Variants in POC1B observed in about 807,000 individuals in gnomAD.
POC1B encodes POC1 centriolar protein B.
In POC1B, 44 loss-of-function variants were observed where a neutral mutation model predicts 60.6. The ratio of observed to expected loss-of-function variants is 0.73; its 90% confidence interval spans 0.57 to 0.93. The LOEUF (loss-of-function observed/expected upper bound fraction) is 0.93. POC1B is among the 40% of genes least tolerant of loss of function. The pLI, the probability that POC1B is intolerant of heterozygous loss-of-function variation, is 0.00. For missense variants in POC1B, 555 were observed against 572.3 expected, an observed-to-expected ratio of 0.97 and a Z score of 0.31; for synonymous variants, 180 against 198.9, an observed-to-expected ratio of 0.90 and a Z score of 0.80.
At chr12:89,524,461 G>A (rs1327929103) in intron 2 of POC1B, 2 of 1,613,634 alleles carry the variant, frequency 1.2e-6, no homozygotes, top group Non-Finnish European at 1.7e-6. Flanking sequence ...ATGAAAAGTA[G>A]AGACCAAGAG....
intron 9 of POC1B, among the ~76,000 whole-genome samples, chr12:89,464,317 G>A (rs1882591562): frequency 6.6e-6 from 1 of 152,024 alleles, no homozygotes; most frequent in Non-Finnish European, 1.5e-5. Context: ...ATTCCATTCT[G>A]TGTGAAAGTT....
At chr12:89,450,234 G>T (rs1881985190) in intron 10 of POC1B, among the ~76,000 whole-genome samples, 2 of 151,386 alleles carry the variant, frequency 1.3e-5, no homozygotes, top group Non-Finnish European at 2.9e-5. Context: ...TTGAGATGGA[G>T]TCTTGCACTG....
intron 10 of POC1B, among the ~76,000 whole-genome samples, chr12:89,445,922 C>T (rs188271442): frequency 8.8e-4 from 134 of 151,696 alleles, no homozygotes; most frequent in African/African-American, 3.2e-3. Context: ...AAAAAAACAA[C>T]CCAATCAAAA....
In POC1B at chr12:89,421,242, C is replaced by T; in HGVS notation, c.1348G>A (p.Glu450Lys). The change falls in exon 12 of 12, where the codon GAG becomes AAG. Residue 450 changes from glutamate to lysine, a missense_variant. Coordinates refer to ENST00000313546, the MANE Select transcript of POC1B (RefSeq NM_172240.3). ...NVLTQTVSIL[E>K]QRLTLTEDKL... is the part of the protein sequence containing the mutation. Reference sequence around the variant, plus strand: ...TCCTCTGTCAAAGTCAGTCGCTGCTCCAAGATTGAAACAGTCTGCAAAAAG... The same window carrying T: ...TCCTCTGTCAAAGTCAGTCGCTGCTTCAAGATTGAAACAGTCTGCAAAAAG... 1 of 1,595,518 alleles carries T rather than the reference C, an allele frequency of 6.3e-7. No homozygotes were observed. The highest frequency in any genetic ancestry group is 8.6e-7 in the Non-Finnish European group (1 of 1,166,292).
At chr12:89,508,300 T>G (rs1208182965) in intron 2 of POC1B, among the ~76,000 whole-genome samples, 1 of 152,218 alleles carries the variant, frequency 6.6e-6, no homozygotes, top group Non-Finnish European at 1.5e-5. Flanking sequence ...TTTGGTAAAT[T>G]TTTATTTTGA....
chr12:89,455,678 T>C (rs1015082732), intron 10 of POC1B, among the ~76,000 whole-genome samples: 6 of 152,202 alleles, frequency 3.9e-5, no homozygotes, highest in African/African-American at 7.2e-5. Flanking sequence ...TTCTATAACA[T>C]AACTGCATGT....
chr12:89,441,822 T>C (rs1419263081), intron 10 of POC1B, among the ~76,000 whole-genome samples: 1 of 152,176 alleles, frequency 6.6e-6, no homozygotes, highest in East Asian at 1.9e-4. Flanking sequence ...AACAAACTTC[T>C]CTGAGCTAAA....
At chr12:89,404,089 G>A in the POC1B span, among the ~76,000 whole-genome samples, 62 of 151,196 alleles carry the variant, frequency 4.1e-4, no homozygotes, top group Non-Finnish European at 6.0e-4. Flanking sequence ...CTGAGATCGC[G>A]CCATTGTATT....
intron 10 of POC1B, among the ~76,000 whole-genome samples, chr12:89,456,799 T>A (rs1882279740): frequency 6.6e-6 from 1 of 152,172 alleles, no homozygotes; most frequent in Admixed American, 6.5e-5. Flanking sequence ...CAATTTCTTC[T>A]CTGTAGTGAG....
chr12:89,425,526 T>C, intron 10 of POC1B, 147 bp from the exon 11 acceptor site: 1 of 542,582 alleles, frequency 1.8e-6, no homozygotes, highest in Non-Finnish European at 3.1e-6. Context: ...GAAATTACTA[T>C]AATTAAATAA....
At chr12:89,497,872 G>A (rs1869335710) in intron 2 of POC1B, among the ~76,000 whole-genome samples, 1 of 152,102 alleles carries the variant, frequency 6.6e-6, no homozygotes, top group Non-Finnish European at 1.5e-5. Context: ...TGCTTCATTT[G>A]GTTTGTAATT....
intron 10 of POC1B, among the ~76,000 whole-genome samples, chr12:89,456,147 A>G (rs1210399117): frequency 6.6e-6 from 1 of 151,914 alleles, no homozygotes; most frequent in Non-Finnish European, 1.5e-5. Context: ...CAGCCTCCCA[A>G]GTAGCTGGAA....
the POC1B span, among the ~76,000 whole-genome samples, chr12:89,407,697 G>T: frequency 2.6e-5 from 4 of 152,158 alleles, no homozygotes; most frequent in African/African-American, 9.7e-5. Context: ...GCATATAAAG[G>T]GGTTAAGAAG....
intron 5 of POC1B, 39 bp from the exon 6 acceptor site, chr12:89,471,768 C>CATT: frequency 1.2e-6 from 1 of 819,866 alleles, no homozygotes; most frequent in Non-Finnish European, 1.8e-6. Flanking sequence ...ATTTCAATTT[C>CATT]TTTTTTTTTT....
intron 4 of POC1B, among the ~76,000 whole-genome samples, chr12:89,474,030 C>T (rs907657296): frequency 6.6e-6 from 1 of 151,944 alleles, no homozygotes; most frequent in Non-Finnish European, 1.5e-5. Context: ...CATGGTGAAA[C>T]CCCATGTCTA....
At chr12:89,519,224 T>G (rs910699758) in intron 2 of POC1B, among the ~76,000 whole-genome samples, 1 of 152,212 alleles carries the variant, frequency 6.6e-6, no homozygotes, top group Non-Finnish European at 1.5e-5. Context: ...ATAATGGTAC[T>G]AACACCCCTT....
chr12:89,484,275 C>T (rs1274133455), intron 4 of POC1B, among the ~76,000 whole-genome samples: 2 of 152,112 alleles, frequency 1.3e-5, no homozygotes, highest in Non-Finnish European at 2.9e-5. Context: ...GACTTAAATC[C>T]AATCACAGGA....
intron 7 of POC1B, among the ~76,000 whole-genome samples, chr12:89,468,224 AT>A (rs1253764896): frequency 6.6e-6 from 1 of 152,182 alleles, no homozygotes; most frequent in Non-Finnish European, 1.5e-5. Flanking sequence ...AGAAAGATGA[AT>A]TGGAGTAAGA....
rs75655611 is a variant in POC1B, at chr12:89,466,515, A to G, written c.1032+255T>C. ...AATATAAAGCTAGTTTAGACTTCACAGTCACCAGAGGCCTTAGATTTAATT... is the reference window on the plus strand; with the variant it reads ...AATATAAAGCTAGTTTAGACTTCACGGTCACCAGAGGCCTTAGATTTAATT... On this transcript the variant is annotated intron_variant, in intron 9 of 11. Transcript: ENST00000313546. 3.9e-4 allele frequency among the ~76,000 whole-genome samples: 60 copies of G among 152,284 alleles called. No homozygotes were observed. The East Asian group carries it at 8.1e-3, about 21-fold the overall frequency.
Sources: gnomAD v4.1 joint callset for allele counts (sites outside exome capture counted in the v4.1 genomes callset) on GRCh38, gnomAD v4.1.1 for gene constraint, MANE v1.5 for transcripts, NCBI Gene and HGNC (gene_info 2026-07-23, HGNC 2026-07-21) for gene names.